FRMPD4: variants seen among roughly 807,000 people sequenced by gnomAD.
The protein encoded by FRMPD4 is FERM and PDZ domain containing 4.
FRMPD4 carries 22 observed loss-of-function variants against 94.1 expected under a neutral mutation model. The observed-to-expected ratio is 0.23, with a 90% CI of 0.17 to 0.33. The LOEUF (loss-of-function observed/expected upper bound fraction) is 0.33, where lower values mean the gene tolerates loss of function less well. Among genes scored for constraint, FRMPD4 ranks in the 10% least tolerant of loss-of-function variants. The pLI is 1.00. For missense variants in FRMPD4, 1,111 were observed against 1,339.9 expected, an observed-to-expected ratio of 0.83 and a Z score of 2.67; for synonymous variants, 631 against 548.6, an observed-to-expected ratio of 1.15 and a Z score of -2.10.
At chrX:11,924,332 T>C (rs1176854696) in intron 3 of FRMPD4, among the ~76,000 whole-genome samples, 1 of 111,818 alleles carries the variant, frequency 8.9e-6, no homozygotes, top group Non-Finnish European at 1.9e-5. Context: ...GGAAAACATA[T>C]TTCAGGATAT....
intron 3 of FRMPD4, among the ~76,000 whole-genome samples, chrX:12,132,768 G>T (rs1009040640): frequency 7.2e-5 from 8 of 111,097 alleles, no homozygotes; most frequent in African/African-American, 2.6e-4. Context: ...ATCCAGCTAC[G>T]TGGAGTCCCT....
At chrX:12,051,661 T>G (rs6640875) in intron 3 of FRMPD4, among the ~76,000 whole-genome samples, 7,776 of 111,362 alleles carry the variant, frequency 0.07, 270 homozygotes, top group East Asian at 0.24. Context: ...TTGTTTAAAA[T>G]TGTAATGATC....
At chrX:12,452,402 C>CT (rs2057283220) in intron 1 of FRMPD4, among the ~76,000 whole-genome samples, 1 of 111,478 alleles carries the variant, frequency 9.0e-6, no homozygotes, top group South Asian at 3.8e-4. Flanking sequence ...ATCTTGACAT[C>CT]TTTTTTTCCC....
rs879173982 is a variant in FRMPD4 at position 12,583,452 on chromosome X, C to T, written c.159-26269C>T. On this transcript the variant is annotated intron_variant, in intron 2 of 16. Coordinates refer to ENST00000675598, the MANE Select transcript of FRMPD4 (RefSeq NM_001368397.1). ...CCAGCAGCCGCGTCTGGACCTGGAACACCTCTGGATCTTTCAGGTCTTCGG... is the reference window on the plus strand; with the variant it reads ...CCAGCAGCCGCGTCTGGACCTGGAATACCTCTGGATCTTTCAGGTCTTCGG... 1.1e-5 allele frequency: 13 copies of T among 1,202,095 alleles called. No individual in the cohort carries two copies. The South Asian group carries it at 1.8e-4, about 16-fold the overall frequency.
chrX:12,372,687 A>C (rs770867601), intron 1 of FRMPD4, among the ~76,000 whole-genome samples: 1 of 112,706 alleles, frequency 8.9e-6, no homozygotes, highest in Non-Finnish European at 1.9e-5. Flanking sequence ...GCCTTTTGCT[A>C]TACAGGTTCT....
chrX:12,409,733 T>C (rs1173332715), intron 1 of FRMPD4, among the ~76,000 whole-genome samples: 3 of 112,419 alleles, frequency 2.7e-5, no homozygotes, highest in Non-Finnish European at 5.6e-5. Context: ...TAATGAGTTT[T>C]ATGTTTTTCA....
At chrX:12,307,732 A>T (rs1601802367) in intron 1 of FRMPD4, among the ~76,000 whole-genome samples, 1 of 111,759 alleles carries the variant, frequency 8.9e-6, no homozygotes, top group East Asian at 2.8e-4. Context: ...AAAAAATAGG[A>T]GTAAAAATAA....
chrX:12,116,438 T>C (rs2055409443), intron 3 of FRMPD4, among the ~76,000 whole-genome samples: 2 of 112,347 alleles, frequency 1.8e-5, no homozygotes, highest in Admixed American at 9.5e-5. Context: ...AACAAAGGCA[T>C]TGAGTAGTGT....
chrX:12,390,498 G>C (rs2056459931), intron 1 of FRMPD4, among the ~76,000 whole-genome samples: 2 of 111,616 alleles, frequency 1.8e-5, no homozygotes, highest in South Asian at 7.6e-4. Flanking sequence ...TACTTAGATG[G>C]TGCAACAAAA....
chrX:12,572,239 C>T (rs1445543630), intron 2 of FRMPD4, among the ~76,000 whole-genome samples: 1 of 112,079 alleles, frequency 8.9e-6, no homozygotes, highest in Non-Finnish European at 1.9e-5. Flanking sequence ...TTAGATTAAC[C>T]CATTGCTTCC....
At chrX:11,823,442 A>G (rs1161908040) in intron 1 of FRMPD4, among the ~76,000 whole-genome samples, 1 of 110,967 alleles carries the variant, frequency 9.0e-6, no homozygotes, top group Non-Finnish European at 1.9e-5. Flanking sequence ...AGGCTCACAG[A>G]CATTGGATCA....
intron 3 of FRMPD4, among the ~76,000 whole-genome samples, chrX:11,903,694 A>G (rs1382306181): frequency 1.8e-5 from 2 of 112,590 alleles, no homozygotes; most frequent in African/African-American, 6.5e-5. Flanking sequence ...GTAGCCCTTC[A>G]GCTAGTAAAG....
intron 4 of FRMPD4, among the ~76,000 whole-genome samples, chrX:12,670,385 A>T (rs2059827959): frequency 8.9e-6 from 1 of 112,405 alleles, no homozygotes; most frequent in Non-Finnish European, 1.9e-5. Context: ...TACTGGTACC[A>T]AAATGGATAT....
chrX:12,141,518 T>A lies in FRMPD4; in HGVS notation c.41+2506T>A, dbSNP rs1204550519. ...TACATTTAACTATTCGTTTCCAGAA[T>A]CTATACCCTTTTAATCGTGGGAAAA... On this transcript the variant is annotated intron_variant, in intron 1 of 16. Transcript: ENST00000675598. Among the ~76,000 whole-genome samples, 3 of 111,646 alleles carry A rather than the reference T, an allele frequency of 2.7e-5. No individual in the cohort carries two copies. In the East Asian group the frequency reaches 8.4e-4, roughly 31 times the overall value.
chrX:12,575,404 T>A (rs988621247), intron 2 of FRMPD4, among the ~76,000 whole-genome samples: 3 of 109,453 alleles, frequency 2.7e-5, no homozygotes, highest in Non-Finnish European at 1.9e-5. Context: ...AGGTGGATGA[T>A]GCTAACATTC....
chrX:12,072,432 C>T (rs756114992), intron 3 of FRMPD4, among the ~76,000 whole-genome samples: 2 of 111,542 alleles, frequency 1.8e-5, no homozygotes, highest in South Asian at 7.6e-4. Context: ...TTTTGTCACC[C>T]GTACTGTATG....
chrX:12,204,391 T>A (rs1240553513), intron 1 of FRMPD4, among the ~76,000 whole-genome samples: 1 of 112,017 alleles, frequency 8.9e-6, no homozygotes, highest in Non-Finnish European at 1.9e-5. Context: ...TGCCCTCAGG[T>A]ACCCTTGGAT....
At chrX:11,882,888 A>G (rs890960894) in intron 3 of FRMPD4, among the ~76,000 whole-genome samples, 38 of 111,503 alleles carry the variant, frequency 3.4e-4, no homozygotes, top group Non-Finnish European at 4.3e-4. Context: ...TAATGGGAAG[A>G]GGTATAGGGT....
Position 12,716,813 on chromosome X carries a change from C to T in FRMPD4, c.2354C>T (p.Ser785Phe). ...AGCGATGACATCATTGACCTCACAT[C>T]CCTGCCCCCTCCAGAAGGTGATGAC... ...GSSDDIIDLTSLPPPEGDDNE... is the reference protein window; with the variant it reads ...GSSDDIIDLTFLPPPEGDDNE... Residue 785 changes from serine to phenylalanine, a missense_variant, in exon 15 of 17, where the codon TCC becomes TTC. Physicochemically the swap from Ser to Phe is radical, Grantham distance 155. Coordinates refer to ENST00000675598, the MANE Select transcript of FRMPD4 (RefSeq NM_001368397.1). 1 of 1,211,613 alleles carries T rather than the reference C, an allele frequency of 8.3e-7. No individual in the cohort carries two copies.
Sources: gnomAD v4.1 joint callset for allele counts (sites outside exome capture counted in the v4.1 genomes callset) on GRCh38, gnomAD v4.1.1 for gene constraint, MANE v1.5 for transcripts, NCBI Gene and HGNC (gene_info 2026-07-23, HGNC 2026-07-21) for gene names.